Variants in PFKFB2 observed in about 807,000 individuals in gnomAD.
PFKFB2 encodes the protein 6-phosphofructo-2-kinase/fructose-2,6-biphosphatase 2.
PFKFB2 carries 53 observed loss-of-function variants against 68.0 expected under a neutral mutation model. The ratio of observed to expected loss-of-function variants is 0.78; its 90% confidence interval spans 0.63 to 0.98. PFKFB2 has a LOEUF of 0.98. Among genes scored for constraint, PFKFB2 ranks in the 50% least tolerant of loss-of-function variants. The pLI, the probability that PFKFB2 is intolerant of heterozygous loss-of-function variation, is 0.00. For synonymous variants in PFKFB2, 222 were observed against 227.6 expected (o/e 0.98, Z 0.22); for missense variants, 451 against 642.0 (o/e 0.70, Z 3.22).
intron 2 of PFKFB2, chr1:207,045,769 G>C (rs908088167): frequency 6.6e-6 from 1 of 152,028 alleles, no homozygotes; most frequent in African/African-American, 2.4e-5. Flanking sequence ...GGGCATTTAG[G>C]GACACAGACA....
chr1:207,071,911 A>T (rs766912084), intron 14 of PFKFB2, among the ~76,000 whole-genome samples: 5 of 152,204 alleles, frequency 3.3e-5, no homozygotes, highest in African/African-American at 4.8e-5. Flanking sequence ...GGTGGGGGTC[A>T]AGAGGTGTAG....
intron 10 of PFKFB2, 123 bp from the exon 11 acceptor site, chr1:207,069,301 C>T: frequency 1.5e-6 from 1 of 670,432 alleles, no homozygotes; most frequent in African/African-American, 1.8e-5. Flanking sequence ...CATGAAAGGA[C>T]CCAGCACAGT....
In PFKFB2 at chr1:207,073,354, T is replaced by C. The variant is rs1277627315; in HGVS notation, c.*983T>C. 1.0e-6 allele frequency: 1 copy of C among 985,300 alleles called. No individual in the cohort carries two copies. Among genetic ancestry groups the C allele is most frequent in the African/African-American group, 1.7e-5 (1 of 57,216 alleles). The allele number at this position is 985,300 out of a possible 1,614,324, so 61.0% of individuals were successfully genotyped here. On this transcript the variant is annotated 3_prime_UTR_variant, in exon 15 of 15. Transcript: ENST00000367080. ...CAGGTTCTTTGCCAATCACAGCAAC[T>C]TTTCCTGCCAAAGCCAGTATCCTCT...
intron 2 of PFKFB2, among the ~76,000 whole-genome samples, chr1:207,061,157 A>C (rs1288136668): frequency 1.6e-5 from 1 of 64,510 alleles, no homozygotes; most frequent in African/African-American, 8.2e-5. Flanking sequence ...ATATATTTAT[A>C]TATATCTTTA....
Position 207,062,627 on chromosome 1 carries a change from TC to T in PFKFB2, c.220del (p.Val76CysfsTer24). 6.2e-7 allele frequency: 1 copy of T among 1,614,054 alleles called. No individual in the cohort carries two copies. Among genetic ancestry groups the T allele is most frequent in the Non-Finnish European group, 8.5e-7 (1 of 1,179,928 alleles). On this transcript the variant is annotated frameshift_variant, in exon 4 of 15. Coordinates refer to ENST00000367080, the MANE Select transcript of PFKFB2 (RefSeq NM_006212.2). LOFTEE classifies it high-confidence loss of function. Reference protein sequence around the residue: ...WIGVPTKVFNLGVYRREAVKS... With the variant: ...WIGVPTKVFNXGVYRREAVKS... ...TTTGGGTGTCTTCTACAGTGTTTAA[TC>T]TTGGGGTGTATCGGCGTGAAGCAGT...
intron 2 of PFKFB2, among the ~76,000 whole-genome samples, chr1:207,057,314 A>AC (rs1558057612): frequency 6.8e-6 from 1 of 147,852 alleles, no homozygotes; most frequent in African/African-American, 2.5e-5. Context: ...AAAAAAAAAA[A>AC]AAAAAAAAAA....
intron 1 of PFKFB2, chr1:207,035,114 C>G: frequency 2.1e-6 from 2 of 971,668 alleles, no homozygotes; most frequent in South Asian, 9.5e-5. Flanking sequence ...ATGTAAATGC[C>G]TGTTTGATGA....
In PFKFB2 at chr1:207,072,210, T is replaced by G; in HGVS notation, c.1357T>G (p.Phe453Val). 6.2e-7 allele frequency: 1 copy of G among 1,613,678 alleles called. No individual in the cohort carries two copies. The highest frequency in any genetic ancestry group is 8.5e-7 in the Non-Finnish European group (1 of 1,179,798). ...TCACTCCATTTCCAATCAGAACAACTTCCCCAAGAACCAAACCCCTGTAAG... is the reference window on the plus strand; with the variant it reads ...TCACTCCATTTCCAATCAGAACAACGTCCCCAAGAACCAAACCCCTGTAAG... ...NTHRDKPTNN[F>V]PKNQTPVRMR... Residue 453 changes from phenylalanine (F) to valine (V), a missense_variant, in exon 15 of 15, where the codon TTC becomes GTC. Transcript: ENST00000367080.
At chr1:207,053,049 G>A (rs1682799843), upstream of PFKFB2, 2 of 152,220 alleles carry the variant, frequency 1.3e-5, no homozygotes, top group African/African-American at 4.8e-5. Context: ...TAGTTACCAA[G>A]CAACAGTGCC....
intron 1 of PFKFB2, among the ~76,000 whole-genome samples, chr1:207,037,978 C>T (rs891727983): frequency 6.6e-6 from 1 of 152,182 alleles, no homozygotes; most frequent in African/African-American, 2.4e-5. Context: ...TGATAATGCT[C>T]ACCGTCATCA....
At position 207,063,379 on chromosome 1, in the gene PFKFB2, G is replaced by A; in HGVS notation, c.408G>A (p.Arg136=). Residue 136 remains arginine, a synonymous_variant, in exon 6 of 15, where the codon AGG becomes AGA. Coordinates refer to ENST00000367080, the MANE Select transcript of PFKFB2 (RefSeq NM_006212.2). This position sits in a 1 kb window ranked among gnomAD's most constrained non-coding sequence, Gnocchi z 4.1. ...VFDATNTTRE[R]RDMILNFAEQ... is the part of the protein sequence containing the mutation. The stretch of plus-strand genomic sequence containing the variant: ...ATGCCACCAATACAACCCGGGAGAG[G>A]AGGGACATGATTTTGAACTTTGCTG... 3 of 1,613,882 alleles carry A rather than the reference G, an allele frequency of 1.9e-6. No individual in the cohort carries two copies. The highest frequency in any genetic ancestry group is 2.5e-6 in the Non-Finnish European group (3 of 1,179,814).
At chr1:207,068,375 A>G in intron 10 of PFKFB2, 66 bp downstream of exon 10, 5 of 1,358,306 alleles carry the variant, frequency 3.7e-6, no homozygotes, top group Non-Finnish European at 4.9e-6. Flanking sequence ...CTCAGAAGTC[A>G]CTATTTAGAC....
chr1:207,050,116 C>T (rs896159385), upstream of PFKFB2, among the ~76,000 whole-genome samples: 1 of 152,156 alleles, frequency 6.6e-6, no homozygotes, highest in African/African-American at 2.4e-5. Flanking sequence ...TTTACAACAT[C>T]CTTGATACAG....
intron 2 of PFKFB2, 78 bp from the exon 3 acceptor site, chr1:207,061,875 C>T (rs557977411): frequency 2.6e-5 from 32 of 1,247,576 alleles, no homozygotes; most frequent in Middle Eastern, 1.9e-4. Context: ...AGTGAGACTC[C>T]GTCTCAAAAA....
intron 1 of PFKFB2, among the ~76,000 whole-genome samples, chr1:207,038,538 A>G (rs1682421199): frequency 6.6e-6 from 1 of 152,162 alleles, no homozygotes; most frequent in Non-Finnish European, 1.5e-5. Flanking sequence ...TGTACCCTCT[A>G]TTTGAAATGA....
Position 207,072,341 on chromosome 1 carries a change from T to G in PFKFB2, c.1488T>G (p.Arg496=), listed in dbSNP as rs1454708073. ...CCCTCAAGCCCCTCAGCCCTCTCCGTGCCCAGGACATGCAAGAAGGGGCCG... is the reference window on the plus strand; with the variant it reads ...CCCTCAAGCCCCTCAGCCCTCTCCGGGCCCAGGACATGCAAGAAGGGGCCG... ...SRPLKPLSPL[R]AQDMQEGAD Residue 496 remains arginine, a synonymous_variant, in exon 15 of 15, where the codon CGT becomes CGG. Coordinates refer to ENST00000367080, the MANE Select transcript of PFKFB2 (RefSeq NM_006212.2). The G allele has an allele frequency of 1.2e-6, 2 of 1,613,904 alleles. No individual in the cohort carries two copies. The highest frequency in any genetic ancestry group is 2.2e-5 in the South Asian group (2 of 91,050).
intron 1 of PFKFB2, among the ~76,000 whole-genome samples, chr1:207,039,240 G>A (rs959654675): frequency 6.6e-6 from 1 of 152,178 alleles, no homozygotes; most frequent in Non-Finnish European, 1.5e-5. Flanking sequence ...CACTCTAGGA[G>A]AGGTAATTCA....
rs181886214 is a variant in PFKFB2 at position 207,073,348 on chromosome 1, A to T, written c.*977A>T. ...GACTCTCAGGTTCTTTGCCAATCAC[A>T]GCAACTTTTCCTGCCAAAGCCAGTA... On this transcript the variant is annotated 3_prime_UTR_variant, in exon 15 of 15. Transcript: ENST00000367080. 1.0e-6 allele frequency: 1 copy of T among 985,404 alleles called. No homozygotes were observed. The allele number at this position is 985,404 out of a possible 1,614,324, so 61.0% of individuals were successfully genotyped here.
downstream of PFKFB2, chr1:207,078,906 C>A (rs1683696779): frequency 3.3e-6 from 5 of 1,495,504 alleles, no homozygotes; most frequent in Non-Finnish European, 4.7e-6. Flanking sequence ...ATGTTCGCTG[C>A]TTGGCAGTGC....
Sources: gnomAD v4.1 joint callset for allele counts (sites outside exome capture counted in the v4.1 genomes callset) on GRCh38, gnomAD v4.1.1 for gene constraint, Gnocchi (gnomAD v3.1) non-coding constraint, MANE v1.5 for transcripts, NCBI Gene and HGNC (gene_info 2026-07-23, HGNC 2026-07-21) for gene names.